The following APBB2 variants were observed in gnomAD, a reference collection of about 807,000 sequenced individuals.
APBB2 encodes the protein Fe65-like 1.
Under a neutral mutation model 82.5 loss-of-function variants are expected in APBB2, and 38 were observed. The observed-to-expected ratio is 0.46, with a 90% confidence interval of 0.36 to 0.60. The LOEUF is 0.60. Ranked by LOEUF, APBB2 falls within the 20% of genes least tolerant of loss-of-function variation. The probability of loss-of-function intolerance (pLI) is 0.00; values close to 1 mark genes in which losing one functional copy is unlikely to be tolerated. For missense variants in APBB2, 772 were observed against 972.3 expected, an observed-to-expected ratio of 0.79 and a Z score of 2.74; for synonymous variants, 341 against 368.2, an observed-to-expected ratio of 0.93 and a Z score of 0.85.
At chr4:41,150,903 C>A (rs1334135905) in intron 1 of APBB2, among the ~76,000 whole-genome samples, 5 of 152,042 alleles carry the variant, frequency 3.3e-5, no homozygotes, top group Admixed American at 1.3e-4. Flanking sequence ...TCATGTCAGG[C>A]CAATTTTTGT....
chr4:41,021,921 C>T (rs1040857543), intron 5 of APBB2, among the ~76,000 whole-genome samples: 2 of 152,160 alleles, frequency 1.3e-5, no homozygotes, highest in African/African-American at 2.4e-5. Context: ...ACCACCTTAA[C>T]ACTCACTGCA....
intron 4 of APBB2, among the ~76,000 whole-genome samples, chr4:41,050,056 C>A (rs1021926920): frequency 6.6e-6 from 1 of 152,036 alleles, no homozygotes; most frequent in African/African-American, 2.4e-5. Context: ...CTTCCCTCCA[C>A]TATTGTCCTA....
chr4:40,936,882 C>T (rs1287731723), intron 7 of APBB2, among the ~76,000 whole-genome samples: 3 of 152,100 alleles, frequency 2.0e-5, no homozygotes, highest in Non-Finnish European at 4.4e-5. Flanking sequence ...CTATGAACCC[C>T]TGAAATGGGT....
chr4:41,108,524 G>C (rs114732078), intron 2 of APBB2, among the ~76,000 whole-genome samples: 1 of 152,332 alleles, frequency 6.6e-6, no homozygotes, highest in African/African-American at 2.4e-5. Context: ...ACCCAAGTCT[G>C]AAGAAGAGGT....
chr4:41,136,116 T>C (rs1338911685), intron 2 of APBB2, among the ~76,000 whole-genome samples: 2 of 152,224 alleles, frequency 1.3e-5, no homozygotes, highest in African/African-American at 4.8e-5. Context: ...AGTGATTCAA[T>C]CATTTTGAAT....
intron 11 of APBB2, chr4:40,892,616 C>A (rs910185935): frequency 1.3e-5 from 2 of 152,188 alleles, no homozygotes; most frequent in Non-Finnish European, 2.9e-5. Flanking sequence ...TCCCAAAATG[C>A]TTTTTCCACA....
At chr4:41,211,186 T>A (rs560935379) in intron 1 of APBB2, among the ~76,000 whole-genome samples, 2 of 151,462 alleles carry the variant, frequency 1.3e-5, no homozygotes, top group South Asian at 2.1e-4. Flanking sequence ...ACCTGGGAGG[T>A]GGAGGTTACA....
intron 2 of APBB2, among the ~76,000 whole-genome samples, chr4:41,118,664 G>A (rs1355207010): frequency 6.6e-6 from 1 of 152,014 alleles, no homozygotes; most frequent in East Asian, 1.9e-4. Context: ...TTTATATGTG[G>A]TACTTTTTAT....
chr4:41,189,659 T>C (rs575583839), intron 1 of APBB2, among the ~76,000 whole-genome samples: 3 of 152,280 alleles, frequency 2.0e-5, no homozygotes, highest in East Asian at 3.9e-4. Flanking sequence ...TACAAGTAAA[T>C]AGCGGTATAC....
chr4:41,023,078 G>A (rs749341662), intron 5 of APBB2, among the ~76,000 whole-genome samples: 30 of 152,218 alleles, frequency 2.0e-4, no homozygotes, highest in Non-Finnish European at 2.1e-4. Context: ...CAACTCTACC[G>A]TGGCTCCCGA....
At chr4:40,972,213 G>T (rs969332035) in intron 6 of APBB2, among the ~76,000 whole-genome samples, 1 of 152,082 alleles carries the variant, frequency 6.6e-6, no homozygotes, top group South Asian at 2.1e-4. Context: ...TGGATCACAG[G>T]GTCAGGAGAT....
At chr4:40,968,657 T>C (rs1795246287) in intron 6 of APBB2, among the ~76,000 whole-genome samples, 1 of 152,158 alleles carries the variant, frequency 6.6e-6, no homozygotes, top group African/African-American at 2.4e-5. Context: ...ATGCCTTACA[T>C]ATCTGTATCC....
chr4:40,925,471 A>G (rs116537646), intron 10 of APBB2, among the ~76,000 whole-genome samples: 202 of 152,224 alleles, frequency 1.3e-3, no homozygotes, highest in African/African-American at 4.8e-3. Context: ...AAACCCGGGC[A>G]GTCTGGGTCC....
chr4:40,991,086 G>C (rs1265461832), intron 6 of APBB2, among the ~76,000 whole-genome samples: 2 of 143,880 alleles, frequency 1.4e-5, no homozygotes, highest in Non-Finnish European at 1.5e-5. Context: ...TTGGCTCACT[G>C]CAACTTTCGT....
intron 6 of APBB2, among the ~76,000 whole-genome samples, chr4:40,972,503 T>G (rs1796219698): frequency 6.6e-6 from 1 of 152,114 alleles, no homozygotes; most frequent in South Asian, 2.1e-4. Flanking sequence ...TCCACTTTTA[T>G]ATACTTTAAG....
intron 4 of APBB2, among the ~76,000 whole-genome samples, chr4:41,049,735 G>A (rs904035415): frequency 2.6e-5 from 4 of 152,236 alleles, no homozygotes; most frequent in Non-Finnish European, 4.4e-5. Flanking sequence ...GATTGTTGCT[G>A]TGTCTGTGTA....
chr4:41,163,150 G>T (rs1324924532), intron 1 of APBB2, among the ~76,000 whole-genome samples: 1 of 152,240 alleles, frequency 6.6e-6, no homozygotes, highest in Non-Finnish European at 1.5e-5. Flanking sequence ...ATAGAGGACA[G>T]CTTGGGTAAT....
chr4:41,092,243 TA>T (rs1741978347), intron 3 of APBB2, among the ~76,000 whole-genome samples: 1 of 152,224 alleles, frequency 6.6e-6, no homozygotes, highest in Non-Finnish European at 1.5e-5. Flanking sequence ...AAAAGTTATA[TA>T]ATCTGATCTT....
At chr4:41,015,468 A>C (rs1809642794) in intron 5 of APBB2, among the ~76,000 whole-genome samples, 1 of 152,210 alleles carries the variant, frequency 6.6e-6, no homozygotes. Flanking sequence ...TTATATTCTG[A>C]CAATTCCCTC....
Sources: allele counts gnomAD v4.1 joint callset (sites outside exome capture counted in the v4.1 genomes callset), GRCh38; gene constraint gnomAD v4.1.1; transcripts MANE v1.5; gene names NCBI Gene and HGNC (gene_info 2026-07-23, HGNC 2026-07-21).